Variants in SFXN5 observed in about 807,000 individuals in gnomAD.
The protein encoded by SFXN5 is sideroflexin 5.
SFXN5 carries 43 observed loss-of-function variants against 50.2 expected under a neutral mutation model. The observed-to-expected ratio is 0.86, with a 90% CI of 0.67 to 1.11. The LOEUF is 1.11. SFXN5 is among the 50% of genes least tolerant of loss of function. The probability of loss-of-function intolerance (pLI) is 0.00; values close to 1 mark genes in which losing one functional copy is unlikely to be tolerated. For synonymous variants in SFXN5, 203 were observed against 185.8 expected (o/e 1.09, Z -0.75); for missense variants, 463 against 454.1 (o/e 1.02, Z -0.18).
At chr2:73,044,707 T>C (rs1237263805) in intron 2 of SFXN5, 1 of 152,286 alleles carries the variant, frequency 6.6e-6, no homozygotes, top group Non-Finnish European at 1.5e-5. Flanking sequence ...CGGCTGTGGT[T>C]AGTGGGAGGA....
intron 1 of SFXN5, among the ~76,000 whole-genome samples, chr2:73,064,936 G>A (rs2106061950): frequency 6.6e-6 from 1 of 152,232 alleles, no homozygotes; most frequent in Non-Finnish European, 1.5e-5. Context: ...ACAAGCATGT[G>A]TCACCACACC....
At chr2:72,972,351 A>T (rs1434425842) in intron 10 of SFXN5, among the ~76,000 whole-genome samples, 4 of 152,218 alleles carry the variant, frequency 2.6e-5, no homozygotes, top group Non-Finnish European at 5.9e-5. Context: ...AGGGGGCAAG[A>T]GGGTTGGGGC....
At chr2:72,969,341 GC>G (rs1481165937) in intron 11 of SFXN5, among the ~76,000 whole-genome samples, 3 of 152,230 alleles carry the variant, frequency 2.0e-5, no homozygotes, top group Non-Finnish European at 4.4e-5. Context: ...GGCTCATGGA[GC>G]CAAAGGAGGA....
chr2:73,043,492 A>G (rs928470246), intron 2 of SFXN5, among the ~76,000 whole-genome samples: 1 of 152,240 alleles, frequency 6.6e-6, no homozygotes, highest in Non-Finnish European at 1.5e-5. Flanking sequence ...CGTGGTGGCC[A>G]GCACTGGTGT....
intron 2 of SFXN5, among the ~76,000 whole-genome samples, chr2:73,043,093 C>CA (rs1559193380): frequency 6.6e-6 from 1 of 152,140 alleles, no homozygotes; most frequent in African/African-American, 2.4e-5. Context: ...AACAAATAAA[C>CA]AAACAGCAGC....
At chr2:72,957,144 C>A (rs747083913) in intron 13 of SFXN5, 15 of 450,396 alleles carry the variant, frequency 3.3e-5, no homozygotes, top group South Asian at 2.0e-4. Context: ...TCAACTCCCC[C>A]CCATACACTG....
At chr2:72,970,844 C>T (rs534339335) in intron 11 of SFXN5, among the ~76,000 whole-genome samples, 4 of 152,164 alleles carry the variant, frequency 2.6e-5, no homozygotes, top group East Asian at 3.9e-4. Flanking sequence ...CCCGCCACCA[C>T]GCCTGGCTAA....
At chr2:73,059,242 G>A in intron 1 of SFXN5, 2 of 985,676 alleles carry the variant, frequency 2.0e-6, no homozygotes, top group East Asian at 1.1e-4. Context: ...ACAATGAAAG[G>A]AAACCAAGCA....
chr2:72,989,340 G>T (rs6759733), intron 9 of SFXN5, among the ~76,000 whole-genome samples: 50,815 of 152,036 alleles, frequency 0.33, 10,393 homozygotes, highest in African/African-American at 0.57. Flanking sequence ...AGTGGGACCT[G>T]AGGCAGGTAA....
intron 3 of SFXN5, among the ~76,000 whole-genome samples, chr2:73,029,864 G>A (rs1678072307): frequency 6.6e-6 from 1 of 152,136 alleles, no homozygotes. Flanking sequence ...TTGAGCTCAG[G>A]AGTTTGAGAA....
chr2:73,026,167 G>A (rs779441098), intron 3 of SFXN5, among the ~76,000 whole-genome samples: 7 of 142,278 alleles, frequency 4.9e-5, no homozygotes, highest in South Asian at 2.1e-4. Context: ...TTGCTCTGTC[G>A]CCCAGGCTGG....
chr2:73,024,110 G>C (rs1444903796), intron 3 of SFXN5, among the ~76,000 whole-genome samples: 1 of 148,154 alleles, frequency 6.7e-6, no homozygotes, highest in African/African-American at 2.5e-5. Flanking sequence ...TGCAACCTCT[G>C]TCTCCCGGGT....
At chr2:73,013,375 G>C (rs1041551829) in intron 6 of SFXN5, among the ~76,000 whole-genome samples, 4 of 151,132 alleles carry the variant, frequency 2.6e-5, no homozygotes, top group African/African-American at 9.7e-5. Flanking sequence ...GAAAATTCAA[G>C]GCAAGAATAA....
intron 10 of SFXN5, among the ~76,000 whole-genome samples, chr2:72,982,793 C>T (rs1265664828): frequency 6.6e-6 from 1 of 152,172 alleles, no homozygotes; most frequent in Non-Finnish European, 1.5e-5. Flanking sequence ...GGTATCCAGA[C>T]ATCAGGGCCA....
At chr2:72,993,727 C>T (rs1474384815) in intron 9 of SFXN5, among the ~76,000 whole-genome samples, 1 of 152,162 alleles carries the variant, frequency 6.6e-6, no homozygotes, top group Non-Finnish European at 1.5e-5. Flanking sequence ...TAGTCTGGTC[C>T]AGGATTCCCA....
At chr2:73,056,330 T>G (rs1434504083) in intron 2 of SFXN5, among the ~76,000 whole-genome samples, 1 of 151,224 alleles carries the variant, frequency 6.6e-6, no homozygotes, top group Non-Finnish European at 1.5e-5. Flanking sequence ...TGCAGTGAGC[T>G]GAGATCGTGC....
At chr2:72,963,615 C>T (rs536401101) in intron 12 of SFXN5, among the ~76,000 whole-genome samples, 3 of 152,078 alleles carry the variant, frequency 2.0e-5, no homozygotes, top group South Asian at 2.1e-4. Context: ...GAGAGATGTG[C>T]GAATGCCTGG....
intron 12 of SFXN5, among the ~76,000 whole-genome samples, chr2:72,963,802 A>C (rs1332238333): frequency 6.6e-6 from 1 of 152,150 alleles, no homozygotes; most frequent in African/African-American, 2.4e-5. Flanking sequence ...GATCCAGCAC[A>C]GGAACCTGTG....
At chr2:72,947,832 A>AC (rs1467229430) in intron 13 of SFXN5, among the ~76,000 whole-genome samples, 353 of 32,456 alleles carry the variant, frequency 0.011, no homozygotes, top group African/African-American at 0.038. Flanking sequence ...CACCCCTGCC[A>AC]CCCCCAGTCC....
Sources: gnomAD v4.1 joint callset for allele counts (sites outside exome capture counted in the v4.1 genomes callset) on GRCh38, gnomAD v4.1.1 for gene constraint, MANE v1.5 for transcripts, NCBI Gene and HGNC (gene_info 2026-07-23, HGNC 2026-07-21) for gene names.